ACADSB: variants seen among roughly 807,000 people sequenced by gnomAD.
ACADSB encodes the protein acyl-CoA dehydrogenase short/branched chain, also known as short/branched chain specific acyl-CoA dehydrogenase, mitochondrial.
A neutral mutation model predicts 54.1 loss-of-function variants in ACADSB; 40 were observed. That is an observed-to-expected ratio of 0.74 (90% confidence interval 0.57 to 0.96). The LOEUF is 0.96. Ranked by LOEUF, ACADSB falls within the 40% of genes least tolerant of loss-of-function variation. The pLI is 0.00. For missense variants in ACADSB, 530 were observed against 510.4 expected, an observed-to-expected ratio of 1.04 and a Z score of -0.37; for synonymous variants, 182 against 182.8, an observed-to-expected ratio of 1.00 and a Z score of 0.03.
At chr10:123,042,929 G>C in intron 5 of ACADSB, 117 bp from the exon 6 acceptor site, 1 of 1,155,184 alleles carries the variant, frequency 8.7e-7, no homozygotes, top group Non-Finnish European at 1.3e-6. Context: ...TTGCAATTCT[G>C]AGTCCATTAG....
At chr10:123,042,948 A>G (rs968353256) in intron 5 of ACADSB, 98 bp from the exon 6 acceptor site, 3 of 1,417,188 alleles carry the variant, frequency 2.1e-6, no homozygotes, top group African/African-American at 2.9e-5. Flanking sequence ...AGTATTTATT[A>G]CCAAAGTCCA....
chr10:123,042,880 C>A (rs760798732), intron 5 of ACADSB, among the ~76,000 whole-genome samples, 166 bp from the exon 6 acceptor site: 5 of 152,160 alleles, frequency 3.3e-5, no homozygotes, highest in Non-Finnish European at 7.3e-5. Flanking sequence ...TAGTTTGGAT[C>A]TAATGTCCTC....
intron 2 of ACADSB, among the ~76,000 whole-genome samples, chr10:123,037,088 T>C (rs1412024202): frequency 2.6e-5 from 4 of 152,212 alleles, no homozygotes; most frequent in African/African-American, 9.7e-5. Flanking sequence ...AGAGACATTT[T>C]TGATTGCCAC....
chr10:123,053,051 C>T lies in ACADSB; in HGVS notation c.1129-10C>T. The T allele has an allele frequency of 1.2e-6, 2 of 1,610,830 alleles. No homozygotes were observed. The highest frequency in any genetic ancestry group is 1.7e-6 in the Non-Finnish European group (2 of 1,177,176). On this transcript the variant is annotated splice_polypyrimidine_tract_variant and intron_variant, in intron 9 of 10. Coordinates refer to ENST00000358776, the MANE Select transcript of ACADSB (RefSeq NM_001609.4). ...GGTTTCAGTGTGTGATTTGCACTTG[C>T]TTTTGGTAGATTGCAGGACAAACAA...
intron 1 of ACADSB, among the ~76,000 whole-genome samples, chr10:123,025,051 G>A (rs750040090): frequency 1.1e-4 from 16 of 151,260 alleles, no homozygotes; most frequent in Non-Finnish European, 2.1e-4. Context: ...AGCAGTGGGC[G>A]TGCCACTGCC....
At position 123,041,319 on chromosome 10, in the gene ACADSB, G is replaced by T; in HGVS notation, c.621G>T (p.Trp207Cys). The stretch of plus-strand genomic sequence containing the variant: ...ATGTCCTCAATGGATCAAAGATGTG[G>T]ATCAGCAGTGCTGAGCACGCAGGGC... Reference protein sequence around the residue: ...DYYVLNGSKMWISSAEHAGLF... With the variant: ...DYYVLNGSKMCISSAEHAGLF... The change falls in exon 5 of 11, where the codon TGG becomes TGT. Residue 207 changes from tryptophan (W) to cysteine (C), a missense_variant. By Grantham distance (215) the Trp-to-Cys change is radical. Transcript: ENST00000358776. 3.7e-6 allele frequency: 6 copies of T among 1,614,212 alleles called. No homozygotes were observed. The highest frequency in any genetic ancestry group is 5.1e-6 in the Non-Finnish European group (6 of 1,180,030).
chr10:123,041,499 C>A, intron 5 of ACADSB, 120 bp downstream of exon 5: 1 of 1,019,030 alleles, frequency 9.8e-7, no homozygotes. Flanking sequence ...CTTCTCAGTA[C>A]TGAAAATGTC....
chr10:123,045,152 TATATATATATATATA>T (rs1352094698), intron 7 of ACADSB, among the ~76,000 whole-genome samples: 32 of 11,974 alleles, frequency 2.7e-3, no homozygotes, highest in African/African-American at 6.8e-3. Flanking sequence ...TATATATATA[TATATATATATATATA>T]TATATTTTTT....
chr10:123,057,257 AT>A lies in ACADSB; in HGVS notation c.*3495del, dbSNP rs1850720556. On this transcript the variant is annotated 3_prime_UTR_variant, in exon 11 of 11. Coordinates refer to ENST00000358776, the MANE Select transcript of ACADSB (RefSeq NM_001609.4). ...ATTTGCATCTAGACCTTGAATTTAT[AT>A]TTATTGATCAAGTTCTAATTTGTAT... is the stretch of plus-strand genomic sequence containing the variant. 6.6e-6 allele frequency: 1 copy of A among 152,216 alleles called. No individual in the cohort carries two copies. The allele number at this position is 152,216 out of a possible 1,614,324, so 9.4% of individuals were successfully genotyped here.
chr10:123,011,523 A>G (rs1284635110), intron 1 of ACADSB, among the ~76,000 whole-genome samples: 1 of 148,394 alleles, frequency 6.7e-6, no homozygotes, highest in African/African-American at 2.5e-5. Context: ...ATGTAGCTTG[A>G]TATCTTTTTT....
At chr10:123,035,682 G>A (rs576317542) in intron 2 of ACADSB, among the ~76,000 whole-genome samples, 6 of 152,276 alleles carry the variant, frequency 3.9e-5, no homozygotes, top group East Asian at 1.9e-4. Flanking sequence ...CCAAGCTCCC[G>A]TGGTTGTGTC....
chr10:123,021,765 A>T (rs886131450), intron 1 of ACADSB, among the ~76,000 whole-genome samples: 1 of 152,238 alleles, frequency 6.6e-6, no homozygotes, highest in Non-Finnish European at 1.5e-5. Context: ...CTATGACTTA[A>T]TAAGCAGATA....
intron 1 of ACADSB, among the ~76,000 whole-genome samples, chr10:123,012,089 G>A (rs996818276): frequency 6.6e-6 from 1 of 150,860 alleles, no homozygotes; most frequent in Non-Finnish European, 1.5e-5. Context: ...GGCCTCAAGC[G>A]ATCCTCCCAC....
chr10:123,050,023 A>T (rs185204924), intron 8 of ACADSB, among the ~76,000 whole-genome samples: 2 of 152,236 alleles, frequency 1.3e-5, no homozygotes, highest in African/African-American at 4.8e-5. Flanking sequence ...ATTATGCTTT[A>T]TAGCCTACAT....
At chr10:123,038,431 T>A (rs1850426887) in intron 3 of ACADSB, among the ~76,000 whole-genome samples, 1 of 152,160 alleles carries the variant, frequency 6.6e-6, no homozygotes, top group Non-Finnish European at 1.5e-5. Context: ...GTCACATAGC[T>A]CTTTAATGGA....
intron 6 of ACADSB, 49 bp from the exon 7 acceptor site, chr10:123,044,344 G>T (rs1850520694): frequency 6.9e-7 from 1 of 1,459,270 alleles, no homozygotes. Context: ...TAATCAAAAT[G>T]AATCATGGAA....
chr10:123,013,713 G>A (rs1194774108), intron 1 of ACADSB, among the ~76,000 whole-genome samples: 1 of 152,242 alleles, frequency 6.6e-6, no homozygotes, highest in Non-Finnish European at 1.5e-5. Flanking sequence ...GCACTGCTGG[G>A]GGACCCGGCG....
rs10571424 is a variant in ACADSB at position 123,051,188 on chromosome 10, T to TA, written c.1128+26dup. On this transcript the variant is annotated splice_region_variant and intron_variant, in intron 9 of 10. Coordinates refer to ENST00000358776, the MANE Select transcript of ACADSB (RefSeq NM_001609.4). ...ATGGCCAAATACTATGCATCAGAGG[T>TA]AAAAAAAAAAAAAAAAAAAAAAAAG... is the stretch of plus-strand genomic sequence containing the variant. 0.022 allele frequency: 21,746 copies of TA among 1,006,244 alleles called. 5 individuals are homozygous for TA. The highest frequency in any genetic ancestry group is 0.039 in the South Asian group (1,962 of 50,070). The allele number at this position is 1,006,244 out of a possible 1,614,324, so 62.3% of individuals were successfully genotyped here. A position where few individuals can be genotyped will look rare whatever the true frequency, so the allele number is the denominator to read the frequency against.
chr10:123,042,457 C>CTTTTTTTTTTTTT, intron 5 of ACADSB, among the ~76,000 whole-genome samples: 1 of 115,794 alleles, frequency 8.6e-6, no homozygotes, highest in Non-Finnish European at 1.7e-5. Flanking sequence ...ATTGTTAAAA[C>CTTTTTTTTTTTTT]TTTTTTTTTT....
Sources: gnomAD v4.1 joint callset for allele counts (sites outside exome capture counted in the v4.1 genomes callset) on GRCh38, gnomAD v4.1.1 for gene constraint, MANE v1.5 for transcripts, NCBI Gene and HGNC (gene_info 2026-07-23, HGNC 2026-07-21) for gene names.